FAT1: variants seen among roughly 807,000 people sequenced by gnomAD.
FAT1 encodes protocadherin Fat 1.
FAT1 carries 171 observed loss-of-function variants against 329.8 expected under a neutral mutation model. The ratio of observed to expected loss-of-function variants is 0.52; its 90% confidence interval spans 0.46 to 0.59. The LOEUF (loss-of-function observed/expected upper bound fraction) is 0.59, where lower values mean the gene tolerates loss of function less well. Among genes scored for constraint, FAT1 ranks in the 20% least tolerant of loss-of-function variants. FAT1 has a pLI of 0.00. For missense variants in FAT1, 5,672 were observed against 5,774.4 expected, an observed-to-expected ratio of 0.98 and a Z score of 0.57; for synonymous variants, 2,233 against 2,228.6, an observed-to-expected ratio of 1.00 and a Z score of -0.06.
intron 1 of FAT1, among the ~76,000 whole-genome samples, chr4:186,723,449 T>C (rs1745551463): frequency 6.6e-6 from 1 of 152,256 alleles, no homozygotes; most frequent in Admixed American, 6.5e-5. Flanking sequence ...GGTCGCCTCC[T>C]TTTCCCGCTC....
intron 2 of FAT1, among the ~76,000 whole-genome samples, chr4:186,680,850 C>T (rs747943919): frequency 3.3e-5 from 5 of 152,162 alleles, no homozygotes; most frequent in Non-Finnish European, 5.9e-5. Context: ...TGCACGCTTG[C>T]ATTAACACAA....
chr4:186,706,492 C>T lies in FAT1; in HGVS notation c.3265+71G>A, dbSNP rs1744602529. The T allele has an allele frequency of 3.4e-6, 5 of 1,461,650 alleles. No homozygotes were observed. In the South Asian group the frequency reaches 6.9e-5, roughly 20 times the overall value. 90.5% of individuals were successfully genotyped at this position (1,461,650 alleles called of 1,614,324 possible). A position where few individuals can be genotyped will look rare whatever the true frequency, so the allele number is the denominator to read the frequency against. On this transcript the variant is annotated intron_variant, in intron 2 of 26. Coordinates refer to ENST00000441802, the MANE Select transcript of FAT1 (RefSeq NM_005245.4). ...ACAGGGAATTTTGAAGAAGCTGCCA[C>T]AGGGCAGATGGTTAAAAAAAAAAAA...
intron 2 of FAT1, among the ~76,000 whole-genome samples, chr4:186,685,633 C>T (rs1436431122): frequency 2.0e-5 from 3 of 152,224 alleles, no homozygotes; most frequent in Admixed American, 6.5e-5. Flanking sequence ...TTTCAACCTG[C>T]ATAATGCTTT....
intron 6 of FAT1, among the ~76,000 whole-genome samples, chr4:186,635,681 CA>C (rs1406073910): frequency 6.6e-6 from 1 of 152,020 alleles, no homozygotes; most frequent in African/African-American, 2.4e-5. Flanking sequence ...ATAAAAATAA[CA>C]ATGTGCCATA....
At position 186,588,099 on chromosome 4, in the gene FAT1, GA is replaced by G. The variant is rs887163493; in HGVS notation, c.*492del. The G allele has an allele frequency of 4.1e-5, 9 of 219,524 alleles. No individual in the cohort carries two copies. The highest frequency in any genetic ancestry group is 1.6e-4 in the African/African-American group (7 of 43,310). The allele number at this position is 219,524 out of a possible 1,614,324, so 13.6% of individuals were successfully genotyped here. ...ACTAACAAAATGTCACACTTCAGTGGAAAAAGACAGAATGAAACCCTGGTTA... is the reference window on the plus strand; with the variant it reads ...ACTAACAAAATGTCACACTTCAGTGGAAAAGACAGAATGAAACCCTGGTTA... On this transcript the variant is annotated 3_prime_UTR_variant, in exon 27 of 27. Transcript: ENST00000441802.
intron 3 of FAT1, among the ~76,000 whole-genome samples, chr4:186,644,513 C>T (rs1269495247): frequency 7.3e-6 from 1 of 136,338 alleles, no homozygotes; most frequent in Admixed American, 7.2e-5. Context: ...TATATTCTCA[C>T]CAATGAGCAG....
In FAT1 at chr4:186,639,666, C is replaced by A. The variant is rs931423452; in HGVS notation, c.3642+56G>T. The A allele has an allele frequency of 8.5e-6, 10 of 1,173,470 alleles. No individual in the cohort carries two copies. In the Admixed American group the frequency reaches 1.9e-4, roughly 23 times the overall value. The allele number at this position is 1,173,470 out of a possible 1,614,324, so 72.7% of individuals were successfully genotyped here. On this transcript the variant is annotated intron_variant, in intron 4 of 26. Coordinates refer to ENST00000441802, the MANE Select transcript of FAT1 (RefSeq NM_005245.4). ...GTTAATGGGAACAAGATTGTTCTTT[C>A]CCATGATACTTGTAACTACGAATCT...
chr4:186,623,982 T>G (rs1054248748), intron 9 of FAT1, among the ~76,000 whole-genome samples: 4 of 152,110 alleles, frequency 2.6e-5, no homozygotes, highest in African/African-American at 7.2e-5. Flanking sequence ...CACATCCATA[T>G]AGATTAAGGC....
At chr4:186,652,788 A>G (rs1741727435) in intron 3 of FAT1, among the ~76,000 whole-genome samples, 1 of 152,196 alleles carries the variant, frequency 6.6e-6, no homozygotes, top group African/African-American at 2.4e-5. Flanking sequence ...CAGCCACAAT[A>G]AAATGCCATT....
chr4:186,595,668 T>G, intron 26 of FAT1, 21 bp downstream of exon 26: 1 of 1,613,028 alleles, frequency 6.2e-7, no homozygotes, highest in Non-Finnish European at 8.5e-7. Context: ...AGCGCAGTGT[T>G]GCAGCACACT....
Position 186,614,179 on chromosome 4 carries a change from C to T in FAT1, c.9229+12G>A. On this transcript the variant is annotated intron_variant, in intron 12 of 26. Coordinates refer to ENST00000441802, the MANE Select transcript of FAT1 (RefSeq NM_005245.4). ...AATATACAATTTATTTTGTCCCAAA[C>T]TCCATCATTACCTGTGTCTGGATTT... The T allele has an allele frequency of 6.3e-7, 1 of 1,585,492 alleles. No homozygotes were observed. Among genetic ancestry groups the T allele is most frequent in the Non-Finnish European group, 8.5e-7 (1 of 1,170,856 alleles).
intron 2 of FAT1, among the ~76,000 whole-genome samples, chr4:186,690,210 G>C (rs543349499): frequency 6.6e-6 from 1 of 152,156 alleles, no homozygotes; most frequent in Admixed American, 6.5e-5. Flanking sequence ...GCATGAAGCC[G>C]TTATCTCAAG....
chr4:186,589,302 C>T, intron 26 of FAT1, 82 bp from the exon 27 acceptor site: 1 of 1,421,548 alleles, frequency 7.0e-7, no homozygotes, highest in South Asian at 1.4e-5. Flanking sequence ...GTATCAAAGA[C>T]ACAAAGATGC....
chr4:186,607,267 C>T (rs1228203723), intron 16 of FAT1, among the ~76,000 whole-genome samples: 1 of 152,164 alleles, frequency 6.6e-6, no homozygotes, highest in Non-Finnish European at 1.5e-5. Context: ...GGTTCTCCTT[C>T]ACAGGCCTAC....
At chr4:186,662,120 T>C (rs1347430579) in intron 3 of FAT1, among the ~76,000 whole-genome samples, 1 of 151,984 alleles carries the variant, frequency 6.6e-6, no homozygotes, top group Non-Finnish European at 1.5e-5. Flanking sequence ...TGAGGGTTTT[T>C]GTTCACACTC....
chr4:186,654,116 G>C (rs572407406), intron 3 of FAT1, among the ~76,000 whole-genome samples: 6 of 152,250 alleles, frequency 3.9e-5, no homozygotes, highest in African/African-American at 1.4e-4. Context: ...ACTGAGAAGC[G>C]GCAGCCAGGA....
intron 3 of FAT1, among the ~76,000 whole-genome samples, chr4:186,643,125 A>G (rs1322252296): frequency 1.3e-5 from 2 of 152,204 alleles, no homozygotes; most frequent in African/African-American, 4.8e-5. Context: ...TAAAGTTTAC[A>G]CTTCAGTTTC....
At chr4:186,609,408 G>A in intron 15 of FAT1, 88 bp from the exon 16 acceptor site, 1 of 1,425,046 alleles carries the variant, frequency 7.0e-7, no homozygotes, top group African/African-American at 1.4e-5. Context: ...TAGCTTAGCT[G>A]TTTCTTTTTG....
rs1479500784 is a variant in FAT1, at chr4:186,611,732, A to G, written c.9507T>C (p.Asp3169=). The change falls in exon 14 of 27, where the codon GAT becomes GAC. Residue 3169 remains aspartate, a synonymous_variant. Transcript: ENST00000441802. ...ATAATTCGTTAATGGAGAACTGCCC[A>G]TCAGCAGAGTCAATCAGTGAGTATA... ...KILYSLIDSA[D]GQFSINELSG... The G allele has an allele frequency of 1.9e-6, 3 of 1,588,304 alleles. No individual in the cohort carries two copies. In the South Asian group the frequency reaches 3.4e-5, roughly 18 times the overall value.
Sources: gnomAD v4.1 joint callset for allele counts (sites outside exome capture counted in the v4.1 genomes callset) on GRCh38, gnomAD v4.1.1 for gene constraint, MANE v1.5 for transcripts, NCBI Gene and HGNC (gene_info 2026-07-23, HGNC 2026-07-21) for gene names.